Variants in ADCY8 observed in about 807,000 individuals in gnomAD.
ADCY8 encodes the protein adenylate cyclase 8.
Under a neutral mutation model 119.7 loss-of-function variants are expected in ADCY8, and 51 were observed. The observed-to-expected ratio is 0.43, with a 90% CI of 0.34 to 0.54. The LOEUF (loss-of-function observed/expected upper bound fraction) is 0.54. Ranked by LOEUF, ADCY8 falls within the 20% of genes least tolerant of loss-of-function variation. ADCY8 has a pLI of 0.03. For missense variants in ADCY8, 1,383 were observed against 1,598.8 expected (o/e 0.87, Z 2.30); for synonymous variants, 665 against 651.0 (o/e 1.02, Z -0.33).
intron 2 of ADCY8, among the ~76,000 whole-genome samples, chr8:130,987,290 T>C (rs1001437709): frequency 2.6e-5 from 4 of 152,092 alleles, no homozygotes; most frequent in African/African-American, 9.7e-5. Context: ...GCCTCCAGGT[T>C]AGGTTTGACC....
In ADCY8 at chr8:130,800,522, G is replaced by A. The variant is rs371485953; in HGVS notation, c.2964C>T (p.Ile988=). ...YDAVGVMFAS[I]PGFADFYSQT... The stretch of plus-strand genomic sequence containing the variant: ...GAGAGTAAAAGTCCGCAAATCCTGG[G>A]ATGGAGGCAAACATCACCCCAACAG... The change falls in exon 15 of 18, where the codon ATC becomes ATT. Residue 988 remains isoleucine (I), a synonymous_variant. Transcript: ENST00000286355. 1.9e-6 allele frequency: 3 copies of A among 1,614,006 alleles called. No individual in the cohort carries two copies. The highest frequency in any genetic ancestry group is 2.2e-5 in the East Asian group (1 of 44,892).
chr8:130,873,238 T>G (rs182259329), intron 8 of ADCY8, among the ~76,000 whole-genome samples: 279 of 152,294 alleles, frequency 1.8e-3, no homozygotes, highest in Non-Finnish European at 3.0e-3. Context: ...CACTGAAAGA[T>G]TCTTACATTT....
chr8:130,867,072 T>G (rs1414913010), intron 9 of ADCY8, among the ~76,000 whole-genome samples: 1 of 152,128 alleles, frequency 6.6e-6, no homozygotes, highest in African/African-American at 2.4e-5. Flanking sequence ...GGAAAACTCA[T>G]AGTAAGTATA....
chr8:130,866,031 TTC>T (rs1818108239), intron 9 of ADCY8, among the ~76,000 whole-genome samples: 1 of 152,210 alleles, frequency 6.6e-6, no homozygotes, highest in Non-Finnish European at 1.5e-5. Context: ...TGCCCAGTAC[TTC>T]TTTCTGCTTT....
chr8:130,867,425 C>G (rs1818167091), intron 9 of ADCY8, among the ~76,000 whole-genome samples: 1 of 152,170 alleles, frequency 6.6e-6, no homozygotes, highest in Non-Finnish European at 1.5e-5. Flanking sequence ...TAAAGTAGAA[C>G]AGTGGCTGGC....
chr8:130,877,329 A>T (rs372139157), intron 8 of ADCY8, among the ~76,000 whole-genome samples: 1 of 152,290 alleles, frequency 6.6e-6, no homozygotes, highest in Non-Finnish European at 1.5e-5. Context: ...CTGTGGCTTT[A>T]TGTCTTCCTA....
chr8:130,785,844 C>T (rs1301582472), intron 15 of ADCY8, among the ~76,000 whole-genome samples: 1 of 152,194 alleles, frequency 6.6e-6, no homozygotes, highest in Non-Finnish European at 1.5e-5. Context: ...GCTCTCTTAT[C>T]GTCTCCCTCT....
chr8:130,992,425 A>ATATATATATT (rs1563759152), intron 1 of ADCY8, among the ~76,000 whole-genome samples: 7 of 125,448 alleles, frequency 5.6e-5, no homozygotes, highest in African/African-American at 2.4e-4. Context: ...ATATATATAT[A>ATATATATATT]TATATTTGAG....
chr8:130,994,823 G>C (rs1321450513), intron 1 of ADCY8, among the ~76,000 whole-genome samples: 5 of 151,934 alleles, frequency 3.3e-5, no homozygotes, highest in African/African-American at 4.8e-5. Flanking sequence ...ATATTTATCT[G>C]TTCCACCACT....
intron 1 of ADCY8, among the ~76,000 whole-genome samples, chr8:130,998,514 C>G (rs1822848916): frequency 6.6e-6 from 1 of 152,074 alleles, no homozygotes; most frequent in Non-Finnish European, 1.5e-5. Context: ...AGGGCCAGAC[C>G]ATGGAGGGTC....
At chr8:131,008,466 G>A (rs1485314507) in intron 1 of ADCY8, among the ~76,000 whole-genome samples, 1 of 152,116 alleles carries the variant, frequency 6.6e-6, no homozygotes. Context: ...CTCTTCTGCT[G>A]CCCTGTGAAG....
rs1161136558 is a variant in ADCY8 at position 130,992,382 on chromosome 8, CATATATATATATAT to C, written c.961-1854_961-1841del. On this transcript the variant is annotated intron_variant, in intron 1 of 17. Transcript: ENST00000286355. The stretch of plus-strand genomic sequence containing the variant: ...TACATACATGAGCAACTGTATCTGG[CATATATATATATAT>C]ATATATATATATATATATATATATA... 1.1e-3 allele frequency among the ~76,000 whole-genome samples: 84 copies of C among 78,086 alleles called. 2 individuals are homozygous for C. Among genetic ancestry groups the C allele is most frequent in the Middle Eastern group, 7.1e-3 (1 of 140 alleles). The allele number at this position is 78,086 out of a possible 152,430, so 51.2% of individuals were successfully genotyped here.
At chr8:130,927,521 T>C (rs962650093) in intron 5 of ADCY8, among the ~76,000 whole-genome samples, 2 of 152,218 alleles carry the variant, frequency 1.3e-5, no homozygotes, top group Non-Finnish European at 2.9e-5. Flanking sequence ...AGTTTACAAG[T>C]ATTTTCTCCC....
intron 7 of ADCY8, among the ~76,000 whole-genome samples, chr8:130,895,159 T>C (rs1340403933): frequency 6.6e-6 from 1 of 152,200 alleles, no homozygotes; most frequent in East Asian, 1.9e-4. Context: ...TCTTCTCATA[T>C]TTAAAATATC....
Position 130,909,815 on chromosome 8 carries a change from G to C in ADCY8, c.1533C>G (p.His511Gln). The C allele has an allele frequency of 6.2e-7, 1 of 1,614,174 alleles. No individual in the cohort carries two copies. Among genetic ancestry groups the C allele is most frequent in the Non-Finnish European group, 8.5e-7 (1 of 1,180,034 alleles). The change falls in exon 6 of 18, where the codon CAC becomes CAG. Residue 511 changes from histidine to glutamine, a missense_variant. This residue lies in a region of ADCY8 where 928 missense variants were observed against 1,163.5 expected (regional missense o/e 0.80). Coordinates refer to ENST00000286355, the MANE Select transcript of ADCY8 (RefSeq NM_001115.3). The part of the protein sequence containing the change: ...KHDVDMRIGI[H>Q]SGSVLCGVLG... Reference sequence around the variant, plus strand: ...AAACACCGCACAGCACCGAGCCGGAGTGGATTCCAATCCTCATGTCAACAT... The same window carrying C: ...AAACACCGCACAGCACCGAGCCGGACTGGATTCCAATCCTCATGTCAACAT...
At chr8:130,896,430 G>T (rs1456425771) in intron 7 of ADCY8, among the ~76,000 whole-genome samples, 1 of 152,040 alleles carries the variant, frequency 6.6e-6, no homozygotes, top group Non-Finnish European at 1.5e-5. Context: ...GCATTTTTTT[G>T]CACGCCTTCA....
chr8:130,909,841 C>T lies in ADCY8; in HGVS notation c.1507G>A (p.Asp503Asn), dbSNP rs1563724934. ...IRYVRSRTKHDVDMRIGIHSG... is the reference protein window; with the variant it reads ...IRYVRSRTKHNVDMRIGIHSG... ...TGGATTCCAATCCTCATGTCAACAT[C>T]GTGTTTTGTCCTTGACCGCACATAC... The change falls in exon 6 of 18, where the codon GAT becomes AAT. Residue 503 changes from aspartate to asparagine, a missense_variant. Around this residue, in one of 2 missense-constraint regions of ADCY8, gnomAD observed 928 missense variants for 1,163.5 expected, o/e 0.80. Coordinates refer to ENST00000286355, the MANE Select transcript of ADCY8 (RefSeq NM_001115.3). 3.1e-6 allele frequency: 5 copies of T among 1,614,102 alleles called. No individual in the cohort carries two copies. The highest frequency in any genetic ancestry group is 4.2e-6 in the Non-Finnish European group (5 of 1,180,012).
intron 2 of ADCY8, among the ~76,000 whole-genome samples, chr8:130,978,106 G>T (rs1363160773): frequency 1.3e-5 from 2 of 152,098 alleles, no homozygotes; most frequent in Non-Finnish European, 2.9e-5. Flanking sequence ...AACTGAAAAT[G>T]ACTATAATGA....
chr8:131,004,254 A>G (rs1391687772), intron 1 of ADCY8, among the ~76,000 whole-genome samples: 12 of 152,140 alleles, frequency 7.9e-5, no homozygotes, highest in Admixed American at 7.9e-4. Flanking sequence ...AGTGTAGCAT[A>G]CAGGTTGCCT....
Sources: gnomAD v4.1 joint callset for allele counts (sites outside exome capture counted in the v4.1 genomes callset) on GRCh38, gnomAD v4.1.1 for gene constraint, gnomAD v4.1.1 regional missense constraint, MANE v1.5 for transcripts, NCBI Gene and HGNC (gene_info 2026-07-23, HGNC 2026-07-21) for gene names.